The following SLC19A2 variants were observed in gnomAD, a reference collection of about 807,000 sequenced individuals.
The protein encoded by SLC19A2 is solute carrier family 19 member 2, also known as thiamine transporter 1.
Under a neutral mutation model 44.7 loss-of-function variants are expected in SLC19A2, and 27 were observed. The ratio of observed to expected loss-of-function variants is 0.60; its 90% CI spans 0.45 to 0.83. The LOEUF (loss-of-function observed/expected upper bound fraction) is 0.83, where lower values mean the gene tolerates loss of function less well. Among genes scored for constraint, SLC19A2 ranks in the 40% least tolerant of loss-of-function variants. The probability of loss-of-function intolerance (pLI) is 0.00; values close to 1 mark genes in which losing one functional copy is unlikely to be tolerated. For missense variants in SLC19A2, 566 were observed against 613.7 expected (o/e 0.92, Z 0.82); for synonymous variants, 239 against 243.6 (o/e 0.98, Z 0.18).
At chr1:169,469,256 G>A (rs1485824402) in intron 3 of SLC19A2, 1 of 215,782 alleles carries the variant, frequency 4.6e-6, no homozygotes, top group Non-Finnish European at 9.3e-6. Flanking sequence ...AAACAGTGAT[G>A]ATGATAAGGA....
At position 169,469,947 on chromosome 1, in the gene SLC19A2, T is replaced by C; in HGVS notation, c.1030+17A>G. The C allele has an allele frequency of 6.2e-7, 1 of 1,610,332 alleles. No individual in the cohort carries two copies. The highest frequency in any genetic ancestry group is 8.5e-7 in the Non-Finnish European group (1 of 1,177,338). ...TCCCTCCCCCACCACGACCCTCTAT[T>C]ATCCTGCATTGCTTACCCAGTAAGG... On this transcript the variant is annotated intron_variant, in intron 3 of 5. Transcript: ENST00000236137.
At position 169,468,797 on chromosome 1, in the gene SLC19A2, G is replaced by T; in HGVS notation, c.1070C>A (p.Ser357Tyr). The change falls in exon 4 of 6, where the codon TCC becomes TAC. Residue 357 changes from serine (S) to tyrosine (Y), a missense_variant. Transcript: ENST00000236137. ...TGTCATTTCTCCCCAAGTTGACCAG[G>T]ATATTTTTATATAACCAACTGCAAA... ...AVFAVGYIKI[S>Y]WSTWGEMTLS... The T allele has an allele frequency of 6.2e-7, 1 of 1,613,822 alleles. No individual in the cohort carries two copies. Among genetic ancestry groups the T allele is most frequent in the South Asian group, 1.1e-5 (1 of 91,074 alleles).
At position 169,465,718 on chromosome 1, in the gene SLC19A2, T is replaced by G; in HGVS notation, c.*131A>C. On this transcript the variant is annotated 3_prime_UTR_variant, in exon 6 of 6. Coordinates refer to ENST00000236137, the MANE Select transcript of SLC19A2 (RefSeq NM_006996.3). ...ATGTTATTCCCGGAACACAAGGTATTAGTCAAGTGGCTGCTGTGAAGTCAA... is the reference window on the plus strand; with the variant it reads ...ATGTTATTCCCGGAACACAAGGTATGAGTCAAGTGGCTGCTGTGAAGTCAA... 1.1e-6 allele frequency: 1 copy of G among 919,254 alleles called. No individual in the cohort carries two copies. Among genetic ancestry groups the G allele is most frequent in the South Asian group, 1.3e-5 (1 of 74,460 alleles). The allele number at this position is 919,254 out of a possible 1,614,324, so 56.9% of individuals were successfully genotyped here.
At chr1:169,473,947 T>C (rs894752802) in intron 2 of SLC19A2, 4 of 152,022 alleles carry the variant, frequency 2.6e-5, no homozygotes, top group Middle Eastern at 6.9e-3. Flanking sequence ...AAGCTTTAAA[T>C]ACTCAAAATA....
intron 2 of SLC19A2, among the ~76,000 whole-genome samples, chr1:169,476,283 C>T (rs1355675753): frequency 2.6e-5 from 4 of 152,224 alleles, no homozygotes; most frequent in Non-Finnish European, 4.4e-5. Flanking sequence ...TTTATTCCAT[C>T]ACCACCTCAA....
intron 1 of SLC19A2, among the ~76,000 whole-genome samples, chr1:169,478,063 C>T (rs564237909): frequency 2.6e-5 from 4 of 152,064 alleles, no homozygotes; most frequent in African/African-American, 7.2e-5. Context: ...CCCACCATCA[C>T]GCCTGGCTAA....
In SLC19A2 at chr1:169,477,563, G is replaced by T; in HGVS notation, c.399C>A (p.Ile133=). Residue 133 remains isoleucine, a synonymous_variant, in exon 2 of 6, where the codon ATC becomes ATA. Coordinates refer to ENST00000236137, the MANE Select transcript of SLC19A2 (RefSeq NM_006996.3). ...AIQFLEFFYG[I]ATATEIAYYS... is the part of the protein sequence containing the mutation. ...AATAGGCAATTTCAGTGGCTGTGGC[G>T]ATGCCATAAAAAAATTCTAGAAATT... is the stretch of plus-strand genomic sequence containing the variant. 1 of 1,614,014 alleles carries T rather than the reference G, an allele frequency of 6.2e-7. No individual in the cohort carries two copies. Among genetic ancestry groups the T allele is most frequent in the Admixed American group, 1.7e-5 (1 of 60,016 alleles).
In SLC19A2 at chr1:169,485,795, C is replaced by T; in HGVS notation, c.-29G>A. 1 of 1,510,750 alleles carries T rather than the reference C, an allele frequency of 6.6e-7. No individual in the cohort carries two copies. The highest frequency in any genetic ancestry group is 1.2e-5 in the South Asian group (1 of 80,534). The allele number at this position is 1,510,750 out of a possible 1,614,324, so 93.6% of individuals were successfully genotyped here. A position where few individuals can be genotyped will look rare whatever the true frequency, so the allele number is the denominator to read the frequency against. On this transcript the variant is annotated 5_prime_UTR_variant, in exon 1 of 6. Coordinates refer to ENST00000236137, the MANE Select transcript of SLC19A2 (RefSeq NM_006996.3). ...GGGCGCGAGGGGAGGGGACCCGGCC[C>T]GGCCCCTTCCTTCTCCTCCTCCGCC...
Position 169,477,757 on chromosome 1 carries a change from C to A in SLC19A2, c.205G>T (p.Val69Phe), listed in dbSNP as rs1384006430. 6 of 1,606,744 alleles carry A rather than the reference C, an allele frequency of 3.7e-6. No homozygotes were observed. The highest frequency in any genetic ancestry group is 5.1e-6 in the Non-Finnish European group (6 of 1,176,820). ...CATACTGGATAAATTTCATTGAAGA[C>A]CTGGTAGAAAGAGAAAAAAAAAAAA... ...GPDKNLTERE[V>F]FNEIYPVWTY... Residue 69 changes from valine (V) to phenylalanine (F), a missense_variant and splice_region_variant, in exon 2 of 6, where the codon GTC becomes TTC. Physicochemically the swap from Val to Phe is conservative, Grantham distance 50 (BLOSUM62 -1). Transcript: ENST00000236137.
chr1:169,481,171 C>T (rs898784248), intron 1 of SLC19A2, among the ~76,000 whole-genome samples: 2 of 152,206 alleles, frequency 1.3e-5, no homozygotes, highest in Admixed American at 6.5e-5. Flanking sequence ...TTACACACCA[C>T]GCTAAGCACT....
At chr1:169,477,786 A>AAAACATT in intron 1 of SLC19A2, 29 bp from the exon 2 acceptor site, 1 of 1,584,506 alleles carries the variant, frequency 6.3e-7, no homozygotes, top group Non-Finnish European at 8.6e-7. Flanking sequence ...AAAAAAACAA[A>AAAACATT]AAACATTAGT....
intron 2 of SLC19A2, among the ~76,000 whole-genome samples, chr1:169,476,144 T>A (rs530256691): frequency 1.4e-4 from 21 of 145,484 alleles, no homozygotes; most frequent in African/African-American, 3.8e-4. Flanking sequence ...CTTGAATATT[T>A]AAAAAAAAAA....
intron 2 of SLC19A2, among the ~76,000 whole-genome samples, chr1:169,472,223 A>G (rs896802931): frequency 6.6e-6 from 1 of 152,232 alleles, no homozygotes; most frequent in African/African-American, 2.4e-5. Flanking sequence ...GCACATTTTC[A>G]TAAGTCTTTA....
intron 5 of SLC19A2, 94 bp downstream of exon 5, chr1:169,468,017 A>G (rs1433674953): frequency 3.2e-6 from 4 of 1,242,870 alleles, no homozygotes; most frequent in Admixed American, 1.7e-5. Flanking sequence ...TCTGTTCCCT[A>G]TTGTTTGGAT....
rs548170572 is a variant in SLC19A2, at chr1:169,478,417, A to C, written c.205-660T>G. Among the ~76,000 whole-genome samples, 14 of 150,946 alleles carry C rather than the reference A, an allele frequency of 9.3e-5. No individual in the cohort carries two copies. In the South Asian group the frequency reaches 1.3e-3, roughly 14 times the overall value. ...CACCTAGGCTGGAATGCAGTGGCAG[A>C]ATCATGGTTCACTGCAACCTCCGCC... On this transcript the variant is annotated intron_variant, in intron 1 of 5. Transcript: ENST00000236137.
intron 2 of SLC19A2, among the ~76,000 whole-genome samples, chr1:169,475,978 C>A (rs1658295464): frequency 6.6e-6 from 1 of 152,156 alleles, no homozygotes; most frequent in Admixed American, 6.5e-5. Context: ...AGCCAGCCTA[C>A]AAAGCTTATG....
intron 2 of SLC19A2, among the ~76,000 whole-genome samples, chr1:169,471,285 T>G (rs1449527019): frequency 6.6e-6 from 1 of 151,970 alleles, no homozygotes; most frequent in Non-Finnish European, 1.5e-5. Context: ...GTGGTAGTAG[T>G]TCAGGTGATT....
chr1:169,466,913 C>T (rs960462216), intron 5 of SLC19A2, among the ~76,000 whole-genome samples: 4 of 152,142 alleles, frequency 2.6e-5, no homozygotes, highest in Non-Finnish European at 5.9e-5. Context: ...TACTTACAAA[C>T]TGGTTCAAAA....
chr1:169,465,650 A>G lies in SLC19A2; in HGVS notation c.*199T>C. The G allele has an allele frequency of 1.7e-6, 1 of 594,896 alleles. No homozygotes were observed. Among genetic ancestry groups the G allele is most frequent in the South Asian group, 2.0e-5 (1 of 50,330 alleles). The allele number at this position is 594,896 out of a possible 1,614,324, so 36.9% of individuals were successfully genotyped here. A position where few individuals can be genotyped will look rare whatever the true frequency, so the allele number is the denominator to read the frequency against. On this transcript the variant is annotated 3_prime_UTR_variant, in exon 6 of 6. Transcript: ENST00000236137. ...ATCCTTAAATTAGCTCTCATAAATA[A>G]TCCATGAAATAAACTTTACTTCTGG...
Sources: allele counts gnomAD v4.1 joint callset (sites outside exome capture counted in the v4.1 genomes callset), GRCh38; gene constraint gnomAD v4.1.1; transcripts MANE v1.5; gene names NCBI Gene and HGNC (gene_info 2026-07-23, HGNC 2026-07-21).